Variants in AFG2A observed in about 807,000 individuals in gnomAD.
AFG2A encodes AAA ATPase AFG2A, also known as ATPase family gene 2 protein homolog A.
chr4:123,184,556 AGACGGAGTC>A, the AFG2A span, among the ~76,000 whole-genome samples: 3 of 13,144 alleles, frequency 2.3e-4, no homozygotes, highest in Non-Finnish European at 6.5e-4. Flanking sequence ...TTTTTTTTTG[AGACGGAGTC>A]TCGCTCTGTC....
the AFG2A span, among the ~76,000 whole-genome samples, chr4:122,966,575 C>T: frequency 6.6e-6 from 1 of 152,084 alleles, no homozygotes; most frequent in Non-Finnish European, 1.5e-5. Context: ...AGGTTAACAT[C>T]GATTCACTTT....
chr4:123,128,060 T>C, the AFG2A span, among the ~76,000 whole-genome samples: 1 of 152,190 alleles, frequency 6.6e-6, no homozygotes, highest in Non-Finnish European at 1.5e-5. Flanking sequence ...TTTGTGTAAA[T>C]ACTTTACTGA....
the AFG2A span, chr4:123,316,477 T>G: frequency 2.0e-5 from 3 of 152,162 alleles, no homozygotes; most frequent in African/African-American, 7.2e-5. Flanking sequence ...CTCAAAACTT[T>G]TATGCTCTGT....
At chr4:123,316,891 G>C in the AFG2A span, 2 of 152,236 alleles carry the variant, frequency 1.3e-5, no homozygotes, top group African/African-American at 4.8e-5. Context: ...GAGGCTTTCT[G>C]ACTTGGCCTG....
chr4:122,980,482 C>T, the AFG2A span, among the ~76,000 whole-genome samples: 4 of 152,108 alleles, frequency 2.6e-5, no homozygotes, highest in Non-Finnish European at 5.9e-5. Flanking sequence ...GTGCAGATAT[C>T]GCTTTGAGAT....
chr4:123,277,259 T>G, the AFG2A span, among the ~76,000 whole-genome samples: 5 of 152,180 alleles, frequency 3.3e-5, no homozygotes, highest in Non-Finnish European at 5.9e-5. Flanking sequence ...TGGGATTGCA[T>G]TCCAGATTTG....
the AFG2A span, among the ~76,000 whole-genome samples, chr4:122,939,734 A>T: frequency 6.6e-6 from 1 of 151,996 alleles, no homozygotes; most frequent in East Asian, 1.9e-4. Context: ...GCACCCATTA[A>T]CTCGTCGTTT....
the AFG2A span, among the ~76,000 whole-genome samples, chr4:123,208,989 C>T: frequency 1.3e-5 from 2 of 152,126 alleles, no homozygotes; most frequent in Admixed American, 1.3e-4. Flanking sequence ...GTCCATCCCA[C>T]AAACTCCAGG....
chr4:123,003,342 T>A, the AFG2A span, among the ~76,000 whole-genome samples: 1 of 152,250 alleles, frequency 6.6e-6, no homozygotes, highest in African/African-American at 2.4e-5. Flanking sequence ...GTTCTGTTGC[T>A]GGTGAGGAGC....
the AFG2A span, among the ~76,000 whole-genome samples, chr4:122,971,829 A>T: frequency 2.6e-5 from 4 of 152,156 alleles, no homozygotes; most frequent in Admixed American, 1.3e-4. Context: ...ATGTTGATTG[A>T]TTTTTAAATG....
chr4:123,147,941 TA>T, the AFG2A span, among the ~76,000 whole-genome samples: 70 of 152,316 alleles, frequency 4.6e-4, 1 homozygote, highest in African/African-American at 1.4e-3. Flanking sequence ...AATATGTGCA[TA>T]TTTTTCTAAG....
At chr4:123,056,557 G>T in the AFG2A span, 1 of 678,178 alleles carries the variant, frequency 1.5e-6, no homozygotes, top group South Asian at 5.1e-5. Context: ...GATCTTAGTG[G>T]TATTTTTTTT....
chr4:122,999,667 T>C, the AFG2A span, among the ~76,000 whole-genome samples: 4 of 152,210 alleles, frequency 2.6e-5, no homozygotes, highest in Non-Finnish European at 5.9e-5. Flanking sequence ...CATTGATCTA[T>C]ATCTCTGTTT....
chr4:122,934,861 A>G, the AFG2A span: 4 of 1,231,980 alleles, frequency 3.2e-6, no homozygotes, highest in Non-Finnish European at 4.4e-6. Flanking sequence ...TAGGTATGGT[A>G]GAAGATTTCA....
At chr4:123,228,919 T>C in the AFG2A span, among the ~76,000 whole-genome samples, 1 of 151,996 alleles carries the variant, frequency 6.6e-6, no homozygotes, top group Non-Finnish European at 1.5e-5. Context: ...TCAGCAAGTA[T>C]TTATCAAGCA....
At chr4:123,088,727 C>T in the AFG2A span, among the ~76,000 whole-genome samples, 1 of 152,160 alleles carries the variant, frequency 6.6e-6, no homozygotes, top group East Asian at 1.9e-4. Context: ...CTCTCTCTCT[C>T]TCTCCTCCTG....
the AFG2A span, among the ~76,000 whole-genome samples, chr4:123,139,676 A>T: frequency 6.6e-6 from 1 of 152,066 alleles, no homozygotes; most frequent in Non-Finnish European, 1.5e-5. Context: ...ACTAGTCATT[A>T]TGAGGTGTAC....
chr4:123,280,116 G>T, the AFG2A span, among the ~76,000 whole-genome samples: 1 of 152,084 alleles, frequency 6.6e-6, no homozygotes, highest in Non-Finnish European at 1.5e-5. Context: ...GCATTTAGTA[G>T]ACCTGGGTTC....
At chr4:123,044,160 C>G in the AFG2A span, among the ~76,000 whole-genome samples, 1 of 152,156 alleles carries the variant, frequency 6.6e-6, no homozygotes, top group Admixed American at 6.6e-5. Flanking sequence ...TTGTATGCAG[C>G]TGATCTGGGC....
Sources: allele counts gnomAD v4.1 joint callset (sites outside exome capture counted in the v4.1 genomes callset), GRCh38; gene constraint gnomAD v4.1.1; transcripts MANE v1.5; gene names NCBI Gene and HGNC (gene_info 2026-07-23, HGNC 2026-07-21).